RIMS1: variants seen among roughly 807,000 people sequenced by gnomAD.
RIMS1 encodes regulating synaptic membrane exocytosis protein 1.
RIMS1 carries 83 observed loss-of-function variants against 214.1 expected under a neutral mutation model. That is an observed-to-expected ratio of 0.39 (90% CI 0.32 to 0.47). The LOEUF (loss-of-function observed/expected upper bound fraction) is 0.47. RIMS1 is among the 20% of genes least tolerant of loss of function. The pLI is 0.99. For synonymous variants in RIMS1, 793 were observed against 786.8 expected (o/e 1.01, Z -0.13); for missense variants, 2,050 against 2,161.8 (o/e 0.95, Z 1.03).
intron 12 of RIMS1, among the ~76,000 whole-genome samples, chr6:72,248,488 T>C (rs1381840974): frequency 6.6e-6 from 1 of 152,194 alleles, no homozygotes; most frequent in Non-Finnish European, 1.5e-5. Context: ...CTTATGAGCC[T>C]AGAGCCTGAA....
chr6:72,086,850 G>A (rs1237909588), intron 2 of RIMS1, among the ~76,000 whole-genome samples: 2 of 152,166 alleles, frequency 1.3e-5, no homozygotes, highest in Admixed American at 6.5e-5. Context: ...AGTTTATTAG[G>A]AAGATCATTC....
At chr6:72,357,642 C>G (rs988325431) in intron 29 of RIMS1, among the ~76,000 whole-genome samples, 4 of 152,180 alleles carry the variant, frequency 2.6e-5, no homozygotes, top group Non-Finnish European at 4.4e-5. Flanking sequence ...CTAATACTTC[C>G]AAGCTCTTCA....
At chr6:71,932,744 G>A (rs1783417751) in intron 1 of RIMS1, among the ~76,000 whole-genome samples, 1 of 152,078 alleles carries the variant, frequency 6.6e-6, no homozygotes, top group Admixed American at 6.6e-5. Context: ...CAGAGCAGCT[G>A]GAACTATAGG....
intron 2 of RIMS1, among the ~76,000 whole-genome samples, chr6:72,062,722 T>C (rs897669093): frequency 1.3e-5 from 2 of 152,108 alleles, no homozygotes; most frequent in Non-Finnish European, 2.9e-5. Context: ...ACATCAGAAT[T>C]TGGGGATTAG....
chr6:72,298,734 T>A (rs2094337638), intron 26 of RIMS1, among the ~76,000 whole-genome samples: 1 of 151,974 alleles, frequency 6.6e-6, no homozygotes. Flanking sequence ...CACTCAGCAC[T>A]GGGATTTTGG....
At chr6:72,386,198 A>G (rs2098598619) in intron 29 of RIMS1, among the ~76,000 whole-genome samples, 1 of 152,206 alleles carries the variant, frequency 6.6e-6, no homozygotes, top group Non-Finnish European at 1.5e-5. Flanking sequence ...TATCCCAACT[A>G]AAATATACAA....
At chr6:72,316,260 C>T (rs2095790712) in intron 28 of RIMS1, among the ~76,000 whole-genome samples, 1 of 152,166 alleles carries the variant, frequency 6.6e-6, no homozygotes, top group African/African-American at 2.4e-5. Context: ...CTCCCTCCCC[C>T]AGCTTGGAGC....
At chr6:72,311,547 G>A (rs1340145904) in intron 27 of RIMS1, among the ~76,000 whole-genome samples, 3 of 152,116 alleles carry the variant, frequency 2.0e-5, no homozygotes, top group African/African-American at 4.8e-5. Flanking sequence ...AATAACATAT[G>A]AATTTCCTTT....
rs373017297 is a variant in RIMS1, at chr6:72,398,959, A to G, written c.4725A>G (p.Pro1575=). 1.3e-5 allele frequency: 21 copies of G among 1,586,800 alleles called. No homozygotes were observed. In the African/African-American group the frequency reaches 2.0e-4, roughly 15 times the overall value. ...TGTTAATATACCTTTGTTTAGCTCCATATGTCAAAGTATATCTTTTGGAAA... is the reference window on the plus strand; with the variant it reads ...TGTTAATATACCTTTGTTTAGCTCCGTATGTCAAAGTATATCTTTTGGAAA... The part of the protein sequence containing the change: ...QKPGSKSTPA[P]YVKVYLLENG... Residue 1575 remains proline, a synonymous_variant, in exon 33 of 34, where the codon CCA becomes CCG. Transcript: ENST00000521978.
intron 18 of RIMS1, 95 bp from the exon 19 acceptor site, chr6:72,260,610 T>C: frequency 6.6e-7 from 1 of 1,508,202 alleles, no homozygotes; most frequent in Non-Finnish European, 9.0e-7. Flanking sequence ...GACAATCTGG[T>C]TTCTTCCCTT....
chr6:72,125,362 C>G (rs2039292316), intron 4 of RIMS1, among the ~76,000 whole-genome samples: 1 of 152,178 alleles, frequency 6.6e-6, no homozygotes, highest in Non-Finnish European at 1.5e-5. Flanking sequence ...GAAGCTTCGT[C>G]TCAGAGGGGC....
chr6:72,025,395 A>T (rs1042161983), intron 2 of RIMS1, among the ~76,000 whole-genome samples: 5 of 152,214 alleles, frequency 3.3e-5, no homozygotes, highest in African/African-American at 1.2e-4. Context: ...AAATTTAAAA[A>T]CAGGTTAATC....
chr6:71,888,284 G>A (rs1430996930), intron 1 of RIMS1, among the ~76,000 whole-genome samples: 1 of 152,184 alleles, frequency 6.6e-6, no homozygotes, highest in African/African-American at 2.4e-5. Context: ...TTTTCACTCT[G>A]AAGCAGGGGA....
chr6:72,158,361 C>T lies in RIMS1; in HGVS notation c.472-21214C>T. On this transcript the variant is annotated intron_variant, in intron 4 of 33. Transcript: ENST00000521978. ...AAGTTAGTTATCAATATTATGGTTACTCCTTTGAAAATAATGTGTCTTTTA... is the reference window on the plus strand; with the variant it reads ...AAGTTAGTTATCAATATTATGGTTATTCCTTTGAAAATAATGTGTCTTTTA... 1.4e-5 allele frequency among the ~76,000 whole-genome samples: 2 copies of T among 140,490 alleles called. 1 individual carries two copies. The highest frequency in any genetic ancestry group is 3.2e-5 in the Non-Finnish European group (2 of 61,834). The allele number at this position is 140,490 out of a possible 152,430, so 92.2% of individuals were successfully genotyped here.
chr6:72,183,967 T>C (rs1286476257), intron 6 of RIMS1, among the ~76,000 whole-genome samples: 1 of 152,148 alleles, frequency 6.6e-6, no homozygotes, highest in African/African-American at 2.4e-5. Flanking sequence ...AAACATGCGG[T>C]ATTAAATCAT....
intron 29 of RIMS1, among the ~76,000 whole-genome samples, chr6:72,348,675 C>T (rs907331648): frequency 6.6e-6 from 1 of 151,746 alleles, no homozygotes; most frequent in Non-Finnish European, 1.5e-5. Flanking sequence ...GTACCCATCA[C>T]CCAAATAGTA....
chr6:72,058,111 G>C (rs551610), intron 2 of RIMS1, among the ~76,000 whole-genome samples: 1 of 152,090 alleles, frequency 6.6e-6, no homozygotes, highest in African/African-American at 2.4e-5. Flanking sequence ...AGGGAAACCA[G>C]CTGGTCCTCT....
chr6:71,951,457 AT>A (rs1362680868), intron 1 of RIMS1, among the ~76,000 whole-genome samples: 1 of 116,744 alleles, frequency 8.6e-6, no homozygotes, highest in Non-Finnish European at 1.8e-5. Context: ...GTAAAAGACC[AT>A]TTTTTCCACT....
chr6:72,262,100 C>T, intron 19 of RIMS1: 1 of 984,830 alleles, frequency 1.0e-6, no homozygotes, highest in Non-Finnish European at 1.2e-6. Context: ...TTTTAAGCTA[C>T]TTAGTGTGTG....
Sources: gnomAD v4.1 joint callset for allele counts (sites outside exome capture counted in the v4.1 genomes callset) on GRCh38, gnomAD v4.1.1 for gene constraint, MANE v1.5 for transcripts, NCBI Gene and HGNC (gene_info 2026-07-23, HGNC 2026-07-21) for gene names.